CASK: variants seen among roughly 807,000 people sequenced by gnomAD.
CASK encodes calcium/calmodulin dependent serine protein kinase.
In CASK, 4 loss-of-function variants were observed where a neutral mutation model predicts 82.9. The ratio of observed to expected loss-of-function variants is 0.05; its 90% CI spans 0.02 to 0.11. The LOEUF (loss-of-function observed/expected upper bound fraction) is 0.11. CASK is among the 10% of genes least tolerant of loss of function. CASK has a pLI of 1.00. For missense variants in CASK, 358 were observed against 720.9 expected, an observed-to-expected ratio of 0.50 and a Z score of 5.76; for synonymous variants, 259 against 253.5, an observed-to-expected ratio of 1.02 and a Z score of -0.20.
intron 5 of CASK, among the ~76,000 whole-genome samples, chrX:41,732,562 C>T (rs2068415994): frequency 9.1e-6 from 1 of 110,421 alleles, no homozygotes; most frequent in Admixed American, 9.7e-5. Context: ...CAGCCTAATG[C>T]CACAAACCTT....
rs527515552 is a variant in CASK, at chrX:41,530,491, G to T, written c.2520+516C>A. Among the ~76,000 whole-genome samples, 10 of 112,073 alleles carry T rather than the reference G, an allele frequency of 8.9e-5. No individual in the cohort carries two copies. In the South Asian group the frequency reaches 3.7e-3, roughly 41 times the overall value. On this transcript the variant is annotated intron_variant, in intron 25 of 26. Coordinates refer to ENST00000378163, the MANE Select transcript of CASK (RefSeq NM_001367721.1). The stretch of plus-strand genomic sequence containing the variant: ...TGGCAGAGGCTGAGAGCCACCATGG[G>T]TTTCCATCCCTGCTGTCTCTGACAT...
chrX:41,674,967 A>G (rs1247550457), intron 5 of CASK, among the ~76,000 whole-genome samples: 1 of 111,948 alleles, frequency 8.9e-6, no homozygotes, highest in Non-Finnish European at 1.9e-5. Flanking sequence ...CTAAAAAAAA[A>G]AAGTTAAATA....
At chrX:41,601,933 C>A (rs1336531673) in intron 12 of CASK, among the ~76,000 whole-genome samples, 1 of 111,316 alleles carries the variant, frequency 9.0e-6, no homozygotes, top group African/African-American at 3.3e-5. Flanking sequence ...CATTGGCAAT[C>A]TTGTTGAAAA....
At chrX:41,906,821 C>CT (rs2072478261) in intron 1 of CASK, among the ~76,000 whole-genome samples, 3 of 112,869 alleles carry the variant, frequency 2.7e-5, no homozygotes, top group African/African-American at 9.7e-5. Flanking sequence ...TAACACTGCT[C>CT]TTTTTTTAAA....
chrX:41,812,225 C>A (rs1379659890), intron 2 of CASK, among the ~76,000 whole-genome samples: 2 of 111,876 alleles, frequency 1.8e-5, no homozygotes, highest in Admixed American at 9.5e-5. Context: ...GGAAATCCTT[C>A]CTAACTCATT....
intron 5 of CASK, among the ~76,000 whole-genome samples, chrX:41,682,529 GAAAAAAAAAAAA>G (rs869093187): frequency 4.3e-5 from 1 of 23,175 alleles, no homozygotes; most frequent in African/African-American, 2.3e-4. Context: ...ACTGTCTCAG[GAAAAAAAAAAAA>G]AAAAAAAAAA....
intron 2 of CASK, among the ~76,000 whole-genome samples, chrX:41,803,434 TA>T (rs1327226108): frequency 9.1e-6 from 1 of 109,795 alleles, no homozygotes; most frequent in African/African-American, 3.3e-5. Flanking sequence ...CTAAAAATAT[TA>T]AAAAAAATTA....
At chrX:41,744,615 A>AT (rs997320131) in intron 4 of CASK, among the ~76,000 whole-genome samples, 2 of 111,520 alleles carry the variant, frequency 1.8e-5, no homozygotes, top group African/African-American at 6.5e-5. Context: ...AAGTGCTGGG[A>AT]TTACAGGCAT....
chrX:41,708,116 C>CAAA (rs774468294), intron 5 of CASK, among the ~76,000 whole-genome samples: 1 of 31,663 alleles, frequency 3.2e-5, no homozygotes, highest in African/African-American at 1.1e-4. Flanking sequence ...GACTCCATCT[C>CAAA]AAAAAAAAAA....
At chrX:41,912,084 A>G (rs1186163962) in intron 1 of CASK, among the ~76,000 whole-genome samples, 2 of 101,408 alleles carry the variant, frequency 2.0e-5, no homozygotes, top group Admixed American at 1.1e-4. Flanking sequence ...CCCTGTGCCT[A>G]TATGTTCTCA....
At chrX:41,788,158 CAAA>C (rs372992298) in intron 2 of CASK, among the ~76,000 whole-genome samples, 5 of 42,013 alleles carry the variant, frequency 1.2e-4, no homozygotes, top group African/African-American at 2.9e-4. Flanking sequence ...AACTCTGTCT[CAAA>C]AAAAAAAAAA....
intron 2 of CASK, among the ~76,000 whole-genome samples, chrX:41,806,564 G>A (rs1283785408): frequency 6.2e-5 from 7 of 112,069 alleles, no homozygotes; most frequent in Admixed American, 1.9e-4. Context: ...TGCACTACCC[G>A]TGACAGATGA....
chrX:41,529,430 G>A (rs1039077124), intron 25 of CASK: 1 of 175,927 alleles, frequency 5.7e-6, no homozygotes, highest in Non-Finnish European at 1.1e-5. Context: ...CGGCAGCAGC[G>A]GAGGCAGGTA....
At chrX:41,702,832 A>C (rs984175320) in intron 5 of CASK, among the ~76,000 whole-genome samples, 9 of 112,083 alleles carry the variant, frequency 8.0e-5, no homozygotes, top group Non-Finnish European at 1.1e-4. Flanking sequence ...CAATCTTTAA[A>C]ACTAGTCTTC....
chrX:41,748,919 C>A (rs1043742433), intron 3 of CASK, among the ~76,000 whole-genome samples: 1 of 112,156 alleles, frequency 8.9e-6, no homozygotes, highest in Admixed American at 9.4e-5. Context: ...CATGTGCATA[C>A]ACACATGGGG....
chrX:41,886,448 A>T, intron 1 of CASK, among the ~76,000 whole-genome samples: 1 of 111,881 alleles, frequency 8.9e-6, no homozygotes, highest in Non-Finnish European at 1.9e-5. Flanking sequence ...TTACAAAGAC[A>T]TCTTTAAAGT....
chrX:41,553,615 A>T, intron 21 of CASK, 104 bp downstream of exon 21: 1 of 607,120 alleles, frequency 1.6e-6, no homozygotes, highest in Non-Finnish European at 2.7e-6. Context: ...AGGAAGGAAT[A>T]TATCAAACAG....
chrX:41,653,782 T>C (rs1338517655), intron 8 of CASK, among the ~76,000 whole-genome samples: 1 of 112,522 alleles, frequency 8.9e-6, no homozygotes, highest in Non-Finnish European at 1.9e-5. Context: ...GAATAACTAA[T>C]TTAGGGCACT....
intron 1 of CASK, among the ~76,000 whole-genome samples, chrX:41,860,476 G>A (rs1601913658): frequency 8.9e-6 from 1 of 112,269 alleles, no homozygotes; most frequent in East Asian, 2.8e-4. Context: ...ACTATTTAGT[G>A]TAGTCATTGC....
Sources: gnomAD v4.1 joint callset for allele counts (sites outside exome capture counted in the v4.1 genomes callset) on GRCh38, gnomAD v4.1.1 for gene constraint, MANE v1.5 for transcripts, NCBI Gene and HGNC (gene_info 2026-07-23, HGNC 2026-07-21) for gene names.